AP4B1: variants seen among roughly 807,000 people sequenced by gnomAD.
The protein encoded by AP4B1 is AP-4 complex subunit beta-1.
AP4B1 carries 49 observed loss-of-function variants against 76.5 expected under a neutral mutation model. The ratio of observed to expected loss-of-function variants is 0.64; its 90% confidence interval spans 0.51 to 0.81. The LOEUF is 0.81. Among genes scored for constraint, AP4B1 ranks in the 40% least tolerant of loss-of-function variants. The pLI is 0.00. For missense variants in AP4B1, 911 were observed against 904.9 expected, an observed-to-expected ratio of 1.01 and a Z score of -0.09; for synonymous variants, 330 against 333.3, an observed-to-expected ratio of 0.99 and a Z score of 0.11.
intron 3 of AP4B1, 104 bp downstream of exon 3, chr1:113,901,651 C>G: frequency 1.3e-6 from 2 of 1,507,258 alleles, no homozygotes; most frequent in South Asian, 2.3e-5. Context: ...GAGATATGTA[C>G]AGAACTGGGG....
chr1:113,899,878 A>G, intron 5 of AP4B1, 26 bp downstream of exon 5: 7 of 1,614,078 alleles, frequency 4.3e-6, no homozygotes, highest in Non-Finnish European at 5.9e-6. Context: ...CTAGGTTCTC[A>G]AGAAGGAAAA....
chr1:113,903,047 T>C (rs1024241937), intron 1 of AP4B1, among the ~76,000 whole-genome samples, 185 bp from the exon 2 acceptor site: 1 of 152,156 alleles, frequency 6.6e-6, no homozygotes, highest in African/African-American at 2.4e-5. Flanking sequence ...TAAACATTAT[T>C]CTTCTATTCA....
chr1:113,903,792 A>G (rs1309177402), intron 1 of AP4B1, among the ~76,000 whole-genome samples: 3 of 152,102 alleles, frequency 2.0e-5, no homozygotes, highest in African/African-American at 7.2e-5. Context: ...ATAAGTTTGG[A>G]CTTTATTGTT....
chr1:113,894,941 G>C lies in AP4B1; in HGVS notation c.*124C>G. On this transcript the variant is annotated 3_prime_UTR_variant, in exon 10 of 10. Transcript: ENST00000369569. ...CTTTGGCCAAAAACTTAAGAATCCT[G>C]ATTTCTAGATTTTCCACTCTCCTTT... 8.9e-7 allele frequency: 1 copy of C among 1,121,796 alleles called. No individual in the cohort carries two copies. The allele number at this position is 1,121,796 out of a possible 1,614,324, so 69.5% of individuals were successfully genotyped here.
At chr1:113,901,666 A>G (rs1366448099) in intron 3 of AP4B1, 89 bp downstream of exon 3, 1 of 1,556,168 alleles carries the variant, frequency 6.4e-7, no homozygotes, top group Non-Finnish European at 8.8e-7. Flanking sequence ...CTGGGGCCAC[A>G]TTATTATTTT....
In AP4B1 at chr1:113,896,308, C is replaced by A. The variant is rs375080258; in HGVS notation, c.1460G>T (p.Arg487Leu). 6.2e-7 allele frequency: 1 copy of A among 1,614,166 alleles called. No homozygotes were observed. The highest frequency in any genetic ancestry group is 8.5e-7 in the Non-Finnish European group (1 of 1,180,032). Residue 487 changes from arginine to leucine, a missense_variant, in exon 8 of 10, where the codon CGA (arginine) becomes CTA (leucine). By Grantham distance (102) the Arg-to-Leu change is moderately radical (BLOSUM62 -2). Transcript: ENST00000369569. The stretch of plus-strand genomic sequence containing the variant: ...TAGCATGTCCTGGCACTCAGCAGGT[C>A]GGGAGAGGAAAAGGCGCAGCAAAGC... Reference protein sequence around the residue: ...LTALLRLFLSRPAECQDMLGR... With the variant: ...LTALLRLFLSLPAECQDMLGR...
In AP4B1 at chr1:113,900,883, G is replaced by A. The variant is rs528938717; in HGVS notation, c.617+353C>T. 6.3e-5 allele frequency: 19 copies of A among 302,058 alleles called. 1 individual carries two copies. In the East Asian group the frequency reaches 8.7e-4, roughly 14 times the overall value. The allele number at this position is 302,058 out of a possible 1,614,324, so 18.7% of individuals were successfully genotyped here. On this transcript the variant is annotated intron_variant, in intron 4 of 9. Coordinates refer to ENST00000369569, the MANE Select transcript of AP4B1 (RefSeq NM_001253852.3). ...AGCACTTTGGGAGGCTGAGGCGGGC[G>A]GATCACCTGAGGTCAGAAGTTTGGG...
chr1:113,898,911 A>AG, intron 5 of AP4B1, 110 bp from the exon 6 acceptor site: 1 of 1,045,258 alleles, frequency 9.6e-7, no homozygotes, highest in Non-Finnish European at 1.4e-6. Flanking sequence ...TCTAAAAAAA[A>AG]AAAAAAGAAA....
intron 7 of AP4B1, 175 bp from the exon 8 acceptor site, chr1:113,896,640 A>G: frequency 1.6e-6 from 1 of 640,126 alleles, no homozygotes; most frequent in East Asian, 2.7e-5. Flanking sequence ...AACAAATAGG[A>G]ATGAAATTCT....
intron 8 of AP4B1, 46 bp from the exon 9 acceptor site, chr1:113,896,084 T>C (rs775676558): frequency 1.7e-5 from 27 of 1,612,840 alleles, no homozygotes; most frequent in Non-Finnish European, 2.2e-5. Context: ...AAAACCACTT[T>C]CCTCCTACTC....
chr1:113,902,524 T>C (rs1441509908), intron 2 of AP4B1, 114 bp downstream of exon 2: 5 of 1,072,698 alleles, frequency 4.7e-6, no homozygotes, highest in Non-Finnish European at 7.0e-6. Flanking sequence ...CAGGGTACAA[T>C]AATGTTTTCC....
At chr1:113,899,094 GAT>G in intron 5 of AP4B1, 21 of 1,226,868 alleles carry the variant, frequency 1.7e-5, no homozygotes, top group Non-Finnish European at 2.0e-5. Context: ...ATGGCAGCCA[GAT>G]ATGAGGTACC....
chr1:113,902,485 A>G (rs1292605392), intron 2 of AP4B1, among the ~76,000 whole-genome samples, 153 bp downstream of exon 2: 3 of 152,242 alleles, frequency 2.0e-5, no homozygotes, highest in Admixed American at 2.0e-4. Context: ...CAGGTTATTA[A>G]GCCAAAGCAG....
intron 7 of AP4B1, 76 bp from the exon 8 acceptor site, chr1:113,896,541 G>C: frequency 6.7e-7 from 1 of 1,491,306 alleles, no homozygotes; most frequent in South Asian, 1.1e-5. Context: ...ACAGCCACTG[G>C]TTTTGCTTTT....
In AP4B1 at chr1:113,902,657, G is replaced by C. The variant is rs74361335; in HGVS notation, c.319C>G (p.Arg107Gly). The C allele has an allele frequency of 3.7e-6, 6 of 1,613,290 alleles. No homozygotes were observed. In the Admixed American group the frequency reaches 1.0e-4, roughly 27 times the overall value. Residue 107 changes from arginine to glycine, a missense_variant, in exon 2 of 10, where the codon CGG becomes GGG. By Grantham distance (125) the Arg-to-Gly change is moderately radical. Transcript: ENST00000369569. ...ACTCACCTGAGGCTACACATGCTCC[G>C]TAACGCCAGCCCTCGCACCATTGGA... Reference protein sequence around the residue: ...PNPMVRGLALRSMCSLRMPGV... With the variant: ...PNPMVRGLALGSMCSLRMPGV...
In AP4B1 at chr1:113,902,621, G is replaced by A. The variant is rs1006972629; in HGVS notation, c.338+17C>T. ...TTCATCAGCCATTTAGGACCAGACA[G>A]AGAAGAGGGTACTCACCTGAGGCTA... On this transcript the variant is annotated intron_variant, in intron 2 of 9. Transcript: ENST00000369569. The A allele has an allele frequency of 3.1e-6, 5 of 1,610,544 alleles. No homozygotes were observed. The highest frequency in any genetic ancestry group is 4.2e-6 in the Non-Finnish European group (5 of 1,178,452).
rs150762437 is a variant in AP4B1 at position 113,902,648 on chromosome 1, A to G, written c.328T>C (p.Cys110Arg). 1.8e-5 allele frequency: 29 copies of G among 1,612,902 alleles called. No homozygotes were observed. Among genetic ancestry groups the G allele is most frequent in the East Asian group, 4.5e-5 (2 of 44,902 alleles). Reference protein sequence around the residue: ...MVRGLALRSMCSLRMPGVQEY... With the variant: ...MVRGLALRSMRSLRMPGVQEY... ...GAAGAGGGTACTCACCTGAGGCTACACATGCTCCGTAACGCCAGCCCTCGC... is the reference window on the plus strand; with the variant it reads ...GAAGAGGGTACTCACCTGAGGCTACGCATGCTCCGTAACGCCAGCCCTCGC... Residue 110 changes from cysteine (C) to arginine (R), a missense_variant, in exon 2 of 10, where the codon TGT becomes CGT. Coordinates refer to ENST00000369569, the MANE Select transcript of AP4B1 (RefSeq NM_001253852.3).
At position 113,901,238 on chromosome 1, in the gene AP4B1, AT is replaced by A; in HGVS notation, c.614del (p.Asn205IlefsTer15). 6.2e-7 allele frequency: 1 copy of A among 1,614,198 alleles called. No individual in the cohort carries two copies. Among genetic ancestry groups the A allele is most frequent in the Non-Finnish European group, 8.5e-7 (1 of 1,180,042 alleles). ...AAAGAGTGCTGAGGCATCCAAACCG[AT>A]TTAAGAGATGGTGAGCAATGGGCTT... ...INKPIAHHLL[N>X]RMSKLDQWGQ... On this transcript the variant is annotated frameshift_variant, in exon 4 of 10. Transcript: ENST00000369569. LOFTEE classifies it high-confidence loss of function.
intron 1 of AP4B1, among the ~76,000 whole-genome samples, chr1:113,904,330 C>G (rs1357641222): frequency 6.6e-6 from 1 of 152,140 alleles, no homozygotes; most frequent in Admixed American, 6.5e-5. Context: ...ATACGTGGGT[C>G]TGAAGCTAAA....
Sources: allele counts gnomAD v4.1 joint callset (sites outside exome capture counted in the v4.1 genomes callset), GRCh38; gene constraint gnomAD v4.1.1; transcripts MANE v1.5; gene names NCBI Gene and HGNC (gene_info 2026-07-23, HGNC 2026-07-21).